Variants in INVS observed in about 807,000 individuals in gnomAD.
INVS encodes the protein inversin, also known as inversion of embryo turning homolog.
INVS carries 86 observed loss-of-function variants against 108.8 expected under a neutral mutation model. The ratio of observed to expected loss-of-function variants is 0.79; its 90% CI spans 0.66 to 0.95. The LOEUF (loss-of-function observed/expected upper bound fraction) is 0.95. Ranked by LOEUF, INVS falls within the 40% of genes least tolerant of loss-of-function variation. The pLI is 0.00. For missense variants in INVS, 1,169 were observed against 1,297.4 expected (o/e 0.90, Z 1.52); for synonymous variants, 455 against 473.5 (o/e 0.96, Z 0.51).
intron 3 of INVS, among the ~76,000 whole-genome samples, chr9:100,176,878 A>G (rs955100023): frequency 2.0e-5 from 3 of 152,022 alleles, no homozygotes; most frequent in African/African-American, 4.8e-5. Flanking sequence ...TATAGCCCCT[A>G]ATTGGTTGGT....
intron 3 of INVS, among the ~76,000 whole-genome samples, chr9:100,211,400 T>A (rs1344455412): frequency 6.6e-6 from 1 of 152,202 alleles, no homozygotes; most frequent in Non-Finnish European, 1.5e-5. Flanking sequence ...TTCATAATAA[T>A]CTAAATAAAA....
intron 3 of INVS, among the ~76,000 whole-genome samples, chr9:100,173,744 T>C (rs1448680682): frequency 6.6e-6 from 1 of 151,630 alleles, no homozygotes; most frequent in Non-Finnish European, 1.5e-5. Flanking sequence ...AGAAGAAAAA[T>C]GAAAAACAGA....
At chr9:100,239,455 T>C (rs1831794769) in intron 5 of INVS, among the ~76,000 whole-genome samples, 1 of 152,176 alleles carries the variant, frequency 6.6e-6, no homozygotes, top group Admixed American at 6.5e-5. Context: ...TATAAAAACA[T>C]ACATCTTTAG....
chr9:100,223,653 T>C (rs1338482788), intron 3 of INVS, among the ~76,000 whole-genome samples: 1 of 152,180 alleles, frequency 6.6e-6, no homozygotes, highest in Non-Finnish European at 1.5e-5. Flanking sequence ...AATGAATAGG[T>C]ACTAGAATAA....
chr9:100,252,075 T>G (rs183072942), intron 8 of INVS, among the ~76,000 whole-genome samples: 1 of 151,640 alleles, frequency 6.6e-6, no homozygotes, highest in East Asian at 1.9e-4. Flanking sequence ...AAGAGAAAGG[T>G]AGAAGGAAAG....
rs193229728 is a variant in INVS at position 100,161,114 on chromosome 9, G to A, written c.273+34565G>A. 3.2e-4 allele frequency among the ~76,000 whole-genome samples: 46 copies of A among 144,906 alleles called. No individual in the cohort carries two copies. The Middle Eastern group carries it at 0.014, about 46-fold the overall frequency. ...GCTGGGCATGGTGTAATCCCAGCAC[G>A]CCTGTAATCCCAGCACTTTGGGAGG... On this transcript the variant is annotated intron_variant, in intron 3 of 16. Transcript: ENST00000262457.
intron 3 of INVS, among the ~76,000 whole-genome samples, chr9:100,164,896 C>CTT (rs71498730): frequency 0.013 from 1,671 of 129,252 alleles, 16 homozygotes; most frequent in African/African-American, 0.018. Context: ...TTGGCTTTTT[C>CTT]TTTTTTTTTT....
chr9:100,162,952 C>T (rs1339111854), intron 3 of INVS, among the ~76,000 whole-genome samples: 1 of 152,104 alleles, frequency 6.6e-6, no homozygotes, highest in Non-Finnish European at 1.5e-5. Context: ...AGAGGATGGG[C>T]ATATATATTA....
intron 4 of INVS, among the ~76,000 whole-genome samples, chr9:100,226,760 C>T (rs1332437153): frequency 6.7e-6 from 1 of 149,212 alleles, no homozygotes; most frequent in African/African-American, 2.5e-5. Flanking sequence ...TTTCAGTGAG[C>T]CCAGATAGTG....
intron 3 of INVS, among the ~76,000 whole-genome samples, chr9:100,138,298 C>G (rs562031554): frequency 6.6e-6 from 1 of 151,948 alleles, no homozygotes; most frequent in South Asian, 2.1e-4. Flanking sequence ...CCCAGCTACT[C>G]GGGAGGCTGA....
chr9:100,105,012 A>T (rs1177505829), intron 2 of INVS, among the ~76,000 whole-genome samples: 3 of 152,204 alleles, frequency 2.0e-5, no homozygotes, highest in African/African-American at 7.2e-5. Context: ...AAATTGATTC[A>T]ATGTTCCCCC....
rs1456093183 is a variant in INVS at position 100,168,662 on chromosome 9, G to A, written c.273+42113G>A. Among the ~76,000 whole-genome samples the A allele has an allele frequency of 2.0e-5, 3 of 152,276 alleles. No individual in the cohort carries two copies. The East Asian group carries it at 5.8e-4, about 29-fold the overall frequency. ...AGCCTTGTGAAGCTGTCAAATATCG[G>A]CCTTATTCATGGTGAAGGGAATAAG... On this transcript the variant is annotated intron_variant, in intron 3 of 16. Coordinates refer to ENST00000262457, the MANE Select transcript of INVS (RefSeq NM_014425.5).
chr9:100,142,362 C>T (rs189840300), intron 3 of INVS, among the ~76,000 whole-genome samples: 1 of 152,154 alleles, frequency 6.6e-6, no homozygotes, highest in Admixed American at 6.5e-5. Context: ...GCGGTAGCCT[C>T]AATGATAGAT....
Position 100,297,924 on chromosome 9 carries a change from G to C in INVS, c.3017-12G>C. 6.2e-7 allele frequency: 1 copy of C among 1,613,992 alleles called. No individual in the cohort carries two copies. ...TGGCCAAAGAAAAGTAACAGTTGTT[G>C]GTTCATTTCAGGTTGTTCTCACGAA... On this transcript the variant is annotated splice_polypyrimidine_tract_variant and intron_variant, in intron 15 of 16. Transcript: ENST00000262457.
chr9:100,275,285 T>C (rs1178197065), intron 12 of INVS, among the ~76,000 whole-genome samples: 4 of 152,240 alleles, frequency 2.6e-5, no homozygotes, highest in South Asian at 2.1e-4. Flanking sequence ...TGTAAAGGGA[T>C]GGAATGTTGT....
chr9:100,112,944 A>T (rs1036630996), intron 2 of INVS, among the ~76,000 whole-genome samples: 1 of 152,188 alleles, frequency 6.6e-6, no homozygotes, highest in Non-Finnish European at 1.5e-5. Context: ...TATCTTGCTA[A>T]TACTAGCTAC....
intron 12 of INVS, among the ~76,000 whole-genome samples, chr9:100,282,240 T>G (rs1833299997): frequency 6.6e-6 from 1 of 152,148 alleles, no homozygotes; most frequent in South Asian, 2.1e-4. Context: ...CACACTGAAA[T>G]GGCACCTGCT....
intron 3 of INVS, among the ~76,000 whole-genome samples, chr9:100,149,793 G>GA (rs542626821): frequency 6.6e-6 from 1 of 151,840 alleles, no homozygotes; most frequent in African/African-American, 2.4e-5. Context: ...TTTCTAGTAT[G>GA]AAAAAAAACT....
chr9:100,101,724 C>T (rs888192491), intron 1 of INVS: 3 of 152,194 alleles, frequency 2.0e-5, no homozygotes, highest in African/African-American at 2.4e-5. Flanking sequence ...GGAGTAACAG[C>T]GATTGGCGTG....
Sources: gnomAD v4.1 joint callset for allele counts (sites outside exome capture counted in the v4.1 genomes callset) on GRCh38, gnomAD v4.1.1 for gene constraint, MANE v1.5 for transcripts, NCBI Gene and HGNC (gene_info 2026-07-23, HGNC 2026-07-21) for gene names.